Variants in DGKE observed in about 807,000 individuals in gnomAD.
The protein encoded by DGKE is DAG kinase epsilon.
A neutral mutation model predicts 70.0 loss-of-function variants in DGKE; 53 were observed. The observed-to-expected ratio is 0.76, with a 90% CI of 0.61 to 0.95. DGKE has a LOEUF of 0.95. Among genes scored for constraint, DGKE ranks in the 40% least tolerant of loss-of-function variants. The pLI, the probability that DGKE is intolerant of heterozygous loss-of-function variation, is 0.00. For missense variants in DGKE, 655 were observed against 706.9 expected, an observed-to-expected ratio of 0.93 and a Z score of 0.83; for synonymous variants, 291 against 257.0, an observed-to-expected ratio of 1.13 and a Z score of -1.27.
intron 2 of DGKE, among the ~76,000 whole-genome samples, chr17:56,837,064 A>G (rs1480346259): frequency 1.3e-5 from 2 of 152,342 alleles, no homozygotes; most frequent in African/African-American, 2.4e-5. Flanking sequence ...TAAGGTCCCT[A>G]GACCAGCAGC....
At position 56,856,690 on chromosome 17, in the gene DGKE, T is replaced by C. The variant is rs569843139; in HGVS notation, c.1212+65T>C. Reference sequence around the variant, plus strand: ...GGTACAGTAAAAATCAATAGTTCAATTATATTTAGCACTCCTAGATTCAGA... The same window carrying C: ...GGTACAGTAAAAATCAATAGTTCAACTATATTTAGCACTCCTAGATTCAGA... On this transcript the variant is annotated intron_variant, in intron 8 of 11. Transcript: ENST00000284061. 16 of 1,526,142 alleles carry C rather than the reference T, an allele frequency of 1.0e-5. No individual in the cohort carries two copies. In the South Asian group the frequency reaches 1.5e-4, roughly 14 times the overall value. The allele number at this position is 1,526,142 out of a possible 1,614,324, so 94.5% of individuals were successfully genotyped here.
chr17:56,844,419 T>G (rs1907170226), intron 3 of DGKE, among the ~76,000 whole-genome samples: 1 of 152,158 alleles, frequency 6.6e-6, no homozygotes, highest in Admixed American at 6.5e-5. Flanking sequence ...AAAAGGAAAT[T>G]GGAAATGTTA....
chr17:56,858,114 C>A (rs1045643882), intron 8 of DGKE, among the ~76,000 whole-genome samples: 9 of 151,524 alleles, frequency 5.9e-5, no homozygotes, highest in South Asian at 4.2e-4. Flanking sequence ...CACTTCTATC[C>A]CACATTTCCC....
chr17:56,845,448 C>T (rs989789050), intron 3 of DGKE, among the ~76,000 whole-genome samples: 3 of 152,102 alleles, frequency 2.0e-5, no homozygotes, highest in African/African-American at 7.2e-5. Flanking sequence ...AGTGTGCGAG[C>T]ATATGCTGGA....
intron 11 of DGKE, 152 bp from the exon 12 acceptor site, chr17:56,862,460 T>C (rs1826617119): frequency 7.6e-6 from 7 of 921,266 alleles, no homozygotes; most frequent in Non-Finnish European, 1.1e-5. Flanking sequence ...GAAAAAAGAA[T>C]TCCTTAATCA....
chr17:56,851,003 A>G (rs1406546762), intron 7 of DGKE, among the ~76,000 whole-genome samples: 2 of 152,202 alleles, frequency 1.3e-5, no homozygotes, highest in Non-Finnish European at 2.9e-5. Context: ...GGCAGAGGGA[A>G]AAGAGATGAG....
At chr17:56,838,009 C>T (rs538795084) in intron 2 of DGKE, among the ~76,000 whole-genome samples, 7 of 152,212 alleles carry the variant, frequency 4.6e-5, no homozygotes, top group African/African-American at 1.7e-4. Flanking sequence ...TCTTATCTCT[C>T]CTCTGACTAA....
intron 8 of DGKE, among the ~76,000 whole-genome samples, chr17:56,857,295 A>G (rs2144277933): frequency 6.6e-6 from 1 of 152,316 alleles, no homozygotes; most frequent in East Asian, 1.9e-4. Flanking sequence ...ATTAATGGAA[A>G]AGTAGATTTC....
chr17:56,841,668 GA>G (rs1289350813), intron 2 of DGKE, among the ~76,000 whole-genome samples: 1 of 152,198 alleles, frequency 6.6e-6, no homozygotes, highest in African/African-American at 2.4e-5. Flanking sequence ...CAAACATCCA[GA>G]ACCTTGGGAA....
At chr17:56,859,265 C>G (rs1417550809) in intron 9 of DGKE, among the ~76,000 whole-genome samples, 1 of 151,094 alleles carries the variant, frequency 6.6e-6, no homozygotes, top group African/African-American at 2.4e-5. Flanking sequence ...GCGGAGCTTG[C>G]AGTGAGCCAA....
chr17:56,848,853 GGTAA>G lies in DGKE; in HGVS notation c.1046+3_1046+6del, dbSNP rs763712505. ...GAAGCAGATGGAATTAAACTAGATC[GGTAA>G]GTTACGTTTCCCCAAAAAGTAGATT... On this transcript the variant is annotated splice_donor_variant and splice_donor_region_variant and intron_variant, in intron 6 of 11. Coordinates refer to ENST00000284061, the MANE Select transcript of DGKE (RefSeq NM_003647.3). LOFTEE classifies it high-confidence loss of function. The G allele has an allele frequency of 1.9e-6, 3 of 1,614,026 alleles. No homozygotes were observed. In the Admixed American group the frequency reaches 5.0e-5, roughly 27 times the overall value.
chr17:56,839,586 A>G (rs923063220), intron 2 of DGKE, among the ~76,000 whole-genome samples: 7 of 152,182 alleles, frequency 4.6e-5, no homozygotes, highest in Admixed American at 1.3e-4. Flanking sequence ...TGGCAAGATT[A>G]TGGCTTACTG....
At chr17:56,855,727 C>T (rs988206685) in intron 7 of DGKE, among the ~76,000 whole-genome samples, 2 of 152,212 alleles carry the variant, frequency 1.3e-5, no homozygotes, top group South Asian at 2.1e-4. Context: ...TAAGGCTGGC[C>T]GGGCGCGGTG....
In DGKE at chr17:56,861,854, G is replaced by C; in HGVS notation, c.1348G>C (p.Gly450Arg). ...SLEGIIVLNI[G>R]YWGGGCRLWE... ...GGAAGGTATTATAGTTCTGAACATC[G>C]GATACTGGGGCGGTGGCTGCAGACT... is the stretch of plus-strand genomic sequence containing the variant. The change falls in exon 10 of 12, where the codon GGA (glycine) becomes CGA (arginine). Residue 450 changes from glycine (G) to arginine (R), a missense_variant. Physicochemically the swap from Gly to Arg is moderately radical, Grantham distance 125 (BLOSUM62 -2). Transcript: ENST00000284061. 1 of 1,613,922 alleles carries C rather than the reference G, an allele frequency of 6.2e-7. No homozygotes were observed. The highest frequency in any genetic ancestry group is 8.5e-7 in the Non-Finnish European group (1 of 1,179,950).
intron 2 of DGKE, among the ~76,000 whole-genome samples, chr17:56,837,742 C>CTGCA (rs1683993735): frequency 6.6e-6 from 1 of 152,244 alleles, no homozygotes; most frequent in African/African-American, 2.4e-5. Flanking sequence ...CCTTCCCTGT[C>CTGCA]TGCATCTCAT....
At chr17:56,839,199 AAG>A (rs374102588) in intron 2 of DGKE, among the ~76,000 whole-genome samples, 219 of 152,328 alleles carry the variant, frequency 1.4e-3, no homozygotes, top group African/African-American at 4.4e-3. Context: ...TTTATATGGA[AAG>A]AGAATATTGT....
intron 10 of DGKE, 93 bp from the exon 11 acceptor site, chr17:56,862,047 G>A: frequency 1.3e-6 from 2 of 1,527,560 alleles, no homozygotes; most frequent in Non-Finnish European, 1.8e-6. Flanking sequence ...TATTTTTTAA[G>A]TTGATGGTCC....
At chr17:56,847,827 T>C in intron 4 of DGKE, 95 bp from the exon 5 acceptor site, 13 of 879,354 alleles carry the variant, frequency 1.5e-5, no homozygotes, top group Non-Finnish European at 2.1e-5. Context: ...AGTAATGTTA[T>C]TTAACTGTAT....
At position 56,860,278 on chromosome 17, in the gene DGKE, C is replaced by T. The variant is rs565491289; in HGVS notation, c.1285-1513C>T. ...CCAGTCTGGGCACAGTGGCTCATGC[C>T]TGTAATCCCAGCACTTTGGGAGGCC... On this transcript the variant is annotated intron_variant, in intron 9 of 11. Coordinates refer to ENST00000284061, the MANE Select transcript of DGKE (RefSeq NM_003647.3). 9.8e-5 allele frequency among the ~76,000 whole-genome samples: 15 copies of T among 152,316 alleles called. No individual in the cohort carries two copies. In the South Asian group the frequency reaches 2.3e-3, roughly 23 times the overall value.
Sources: allele counts gnomAD v4.1 joint callset (sites outside exome capture counted in the v4.1 genomes callset), GRCh38; gene constraint gnomAD v4.1.1; transcripts MANE v1.5; gene names NCBI Gene and HGNC (gene_info 2026-07-23, HGNC 2026-07-21).